STXBP6: variants seen among roughly 807,000 people sequenced by gnomAD.
STXBP6 encodes syntaxin-binding protein 6.
In STXBP6, 21 loss-of-function variants were observed where a neutral mutation model predicts 26.9. That is an observed-to-expected ratio of 0.78 (90% CI 0.55 to 1.12). STXBP6 has a LOEUF of 1.12. STXBP6 is among the 50% of genes most tolerant of loss of function. The probability of loss-of-function intolerance (pLI) is 0.00; values close to 1 mark genes in which losing one functional copy is unlikely to be tolerated. For synonymous variants in STXBP6, 97 were observed against 92.6 expected (o/e 1.05, Z -0.27); for missense variants, 232 against 257.9 (o/e 0.90, Z 0.69).
At chr14:25,016,565 G>C (rs55645914) in intron 1 of STXBP6, among the ~76,000 whole-genome samples, 1,544 of 152,110 alleles carry the variant, frequency 0.01, 19 homozygotes, top group African/African-American at 0.034. Context: ...GAAAATCCAC[G>C]CCAAAAAGAT....
intron 2 of STXBP6, among the ~76,000 whole-genome samples, chr14:24,888,926 C>G (rs1251732983): frequency 2.0e-5 from 3 of 151,904 alleles, no homozygotes; most frequent in East Asian, 1.9e-4. Flanking sequence ...TTTAGAGTAC[C>G]CTGCCCCTTT....
intron 1 of STXBP6, among the ~76,000 whole-genome samples, chr14:25,005,858 T>C (rs2074883263): frequency 6.6e-6 from 1 of 151,274 alleles, no homozygotes; most frequent in Non-Finnish European, 1.5e-5. Flanking sequence ...TGTAAAAATG[T>C]ATATTACAGG....
At chr14:24,979,455 C>T (rs1284492978) in intron 1 of STXBP6, among the ~76,000 whole-genome samples, 4 of 152,200 alleles carry the variant, frequency 2.6e-5, no homozygotes, top group African/African-American at 9.7e-5. Flanking sequence ...GTCTTTCCTA[C>T]TTCAACGGAA....
chr14:24,966,159 G>C (rs531858244), intron 2 of STXBP6, among the ~76,000 whole-genome samples: 4 of 152,188 alleles, frequency 2.6e-5, no homozygotes, highest in Admixed American at 1.3e-4. Flanking sequence ...TTTGGCACTA[G>C]CCTCTGTTAA....
chr14:24,905,807 G>A (rs74040705), intron 2 of STXBP6, among the ~76,000 whole-genome samples: 2,040 of 152,278 alleles, frequency 0.013, 45 homozygotes, highest in African/African-American at 0.047. Context: ...ACCAAGATAG[G>A]ATGTACTTGT....
chr14:25,030,695 T>C (rs1032772821), intron 1 of STXBP6, among the ~76,000 whole-genome samples: 2 of 152,168 alleles, frequency 1.3e-5, no homozygotes, highest in African/African-American at 4.8e-5. Flanking sequence ...GCTGACAGCA[T>C]TGATGGGTTC....
intron 2 of STXBP6, among the ~76,000 whole-genome samples, chr14:24,959,739 C>T (rs1357278464): frequency 6.6e-6 from 1 of 152,184 alleles, no homozygotes; most frequent in Non-Finnish European, 1.5e-5. Flanking sequence ...AAGGTGAAGG[C>T]ACTAGCCCAA....
intron 1 of STXBP6, among the ~76,000 whole-genome samples, chr14:25,047,458 T>A (rs971661163): frequency 7.2e-5 from 11 of 152,212 alleles, no homozygotes; most frequent in African/African-American, 2.7e-4. Context: ...ATAATGGCAT[T>A]TCACAACAAA....
chr14:24,891,179 G>T (rs536081616), intron 2 of STXBP6, among the ~76,000 whole-genome samples: 1 of 152,200 alleles, frequency 6.6e-6, no homozygotes, highest in South Asian at 2.1e-4. Flanking sequence ...TGCAAACAAG[G>T]CCTGAAAACA....
At chr14:24,827,298 A>G (rs2068315138) in intron 4 of STXBP6, among the ~76,000 whole-genome samples, 1 of 152,240 alleles carries the variant, frequency 6.6e-6, no homozygotes, top group Non-Finnish European at 1.5e-5. Context: ...TAGGGCTAAT[A>G]ATGCAGTATG....
chr14:25,004,284 A>C (rs2140346046), intron 1 of STXBP6, among the ~76,000 whole-genome samples: 1 of 152,264 alleles, frequency 6.6e-6, no homozygotes, highest in South Asian at 2.1e-4. Flanking sequence ...CTCACTATCC[A>C]CCATTCCCAA....
chr14:25,019,226 T>C (rs1470574331), intron 1 of STXBP6, among the ~76,000 whole-genome samples: 4 of 152,196 alleles, frequency 2.6e-5, no homozygotes, highest in Non-Finnish European at 5.9e-5. Context: ...CTTAAAGGCC[T>C]GAAGCTCAAG....
intron 1 of STXBP6, among the ~76,000 whole-genome samples, chr14:25,016,894 A>C (rs897916889): frequency 1.3e-5 from 2 of 152,218 alleles, no homozygotes; most frequent in Non-Finnish European, 2.9e-5. Flanking sequence ...GGAAAATTAT[A>C]AGGCTTGCAT....
chr14:24,840,122 T>C (rs2068743135), intron 4 of STXBP6, among the ~76,000 whole-genome samples: 1 of 152,222 alleles, frequency 6.6e-6, no homozygotes, highest in South Asian at 2.1e-4. Context: ...ACAAAAACCA[T>C]GGCTTAGACA....
At chr14:24,908,651 T>C (rs549805203) in intron 2 of STXBP6, among the ~76,000 whole-genome samples, 1 of 148,402 alleles carries the variant, frequency 6.7e-6, no homozygotes, top group South Asian at 2.2e-4. Context: ...TTCTCAGGTC[T>C]TCCTCCACAA....
chr14:24,823,896 C>T (rs1338803804), intron 4 of STXBP6, among the ~76,000 whole-genome samples: 2 of 152,148 alleles, frequency 1.3e-5, no homozygotes, highest in Non-Finnish European at 2.9e-5. Flanking sequence ...AGGCCAGGAA[C>T]ATTAGTGACT....
intron 1 of STXBP6, among the ~76,000 whole-genome samples, chr14:24,985,894 G>T (rs2074318919): frequency 6.6e-6 from 1 of 152,190 alleles, no homozygotes; most frequent in Non-Finnish European, 1.5e-5. Flanking sequence ...AACACATAAG[G>T]AAACTGAAGT....
At chr14:24,854,776 C>T (rs530088055) in intron 4 of STXBP6, among the ~76,000 whole-genome samples, 12 of 152,146 alleles carry the variant, frequency 7.9e-5, no homozygotes, top group African/African-American at 2.9e-4. Context: ...TTATATTTTC[C>T]AAATAGGTCA....
intron 1 of STXBP6, chr14:24,995,073 C>T (rs1205155903): frequency 6.7e-6 from 1 of 148,606 alleles, no homozygotes; most frequent in Non-Finnish European, 1.5e-5. Context: ...TTATAAACAA[C>T]AAAAACTTAT....
Sources: allele counts gnomAD v4.1 joint callset (sites outside exome capture counted in the v4.1 genomes callset), GRCh38; gene constraint gnomAD v4.1.1; transcripts MANE v1.5; gene names NCBI Gene and HGNC (gene_info 2026-07-23, HGNC 2026-07-21).